SOS2: variants seen among roughly 807,000 people sequenced by gnomAD.
SOS2 encodes the protein son of sevenless homolog 2.
In SOS2, 65 loss-of-function variants were observed where a neutral mutation model predicts 148.2. The observed-to-expected ratio is 0.44, with a 90% CI of 0.36 to 0.54. The LOEUF is 0.54. SOS2 is among the 20% of genes least tolerant of loss of function. The pLI is 0.00. For synonymous variants in SOS2, 539 were observed against 537.1 expected (o/e 1.00, Z -0.05); for missense variants, 1,341 against 1,590.2 (o/e 0.84, Z 2.67).
intron 22 of SOS2, among the ~76,000 whole-genome samples, chr14:50,119,297 G>A (rs1883417860): frequency 6.6e-6 from 1 of 152,168 alleles, no homozygotes. Flanking sequence ...AGCATCAGTA[G>A]GGAACTTGTT....
chr14:50,230,576 C>T (rs1196653706), intron 1 of SOS2, among the ~76,000 whole-genome samples: 2 of 152,140 alleles, frequency 1.3e-5, no homozygotes, highest in Non-Finnish European at 2.9e-5. Context: ...GCAATTTGGT[C>T]GTGAAGACAC....
At chr14:50,161,643 AT>A (rs1321784072) in intron 8 of SOS2, 34 bp from the exon 9 acceptor site, 5 of 1,597,008 alleles carry the variant, frequency 3.1e-6, no homozygotes, top group Non-Finnish European at 3.4e-6. Flanking sequence ...TCAAAACTGC[AT>A]TGTTTGATTC....
chr14:50,157,697 T>G (rs1434215511), intron 11 of SOS2, among the ~76,000 whole-genome samples: 1 of 152,172 alleles, frequency 6.6e-6, no homozygotes, highest in Non-Finnish European at 1.5e-5. Flanking sequence ...GTAAATTTAG[T>G]TTGATAAAAC....
intron 1 of SOS2, among the ~76,000 whole-genome samples, chr14:50,218,406 CCAG>C (rs1262254907): frequency 6.6e-6 from 1 of 151,626 alleles, no homozygotes; most frequent in Non-Finnish European, 1.5e-5. Flanking sequence ...GCCTGCAATC[CCAG>C]CTACTTGGGA....
intron 21 of SOS2, 71 bp from the exon 22 acceptor site, chr14:50,120,455 G>C (rs1413947029): frequency 2.7e-6 from 2 of 739,870 alleles, no homozygotes; most frequent in East Asian, 5.3e-5. Context: ...ATTTGTGATC[G>C]ATACTTCTAC....
chr14:50,188,706 A>C lies in SOS2; in HGVS notation c.511-6T>G. On this transcript the variant is annotated splice_polypyrimidine_tract_variant and splice_region_variant and intron_variant, in intron 4 of 22. Transcript: ENST00000216373. ...TCAAACATGTCCATCAAAACCTGAG[A>C]AACAGAAATCAATAATGTATAAATT... The C allele has an allele frequency of 1.3e-6, 2 of 1,570,348 alleles. No individual in the cohort carries two copies. The highest frequency in any genetic ancestry group is 1.7e-6 in the Non-Finnish European group (2 of 1,156,536).
chr14:50,227,243 C>CTTTTTTT lies in SOS2; in HGVS notation c.87+3953_87+3954insAAAAAAA, dbSNP rs374477701. Among the ~76,000 whole-genome samples, 395 of 112,606 alleles carry CTTTTTTT rather than the reference C, an allele frequency of 3.5e-3. 8 individuals carry two copies. Among genetic ancestry groups the CTTTTTTT allele is most frequent in the East Asian group, 0.013 (48 of 3,726 alleles). 73.9% of individuals were successfully genotyped at this position (112,606 alleles called of 152,430 possible). A position where few individuals can be genotyped will look rare whatever the true frequency, so the allele number is the denominator to read the frequency against. ...TCTCTGTGTTTCTTTTTCTTTCTTT[C>CTTTTTTT]TTTCTTTTTTTTTTTTTTTGAGACA... On this transcript the variant is annotated intron_variant, in intron 1 of 22. Coordinates refer to ENST00000216373, the MANE Select transcript of SOS2 (RefSeq NM_006939.4).
At chr14:50,221,257 T>C (rs1267077454) in intron 1 of SOS2, among the ~76,000 whole-genome samples, 1 of 152,274 alleles carries the variant, frequency 6.6e-6, no homozygotes, top group East Asian at 1.9e-4. Flanking sequence ...TTTTTTCCCC[T>C]GTGAACTGGG....
chr14:50,145,607 G>T lies in SOS2; in HGVS notation c.2385-11C>A. On this transcript the variant is annotated splice_polypyrimidine_tract_variant and intron_variant, in intron 14 of 22. Transcript: ENST00000216373. Reference sequence around the variant, plus strand: ...GACGGTTGAACTTTCCTATGGAATTGAAAATCAGTGCAACTTAACCTATAA... The same window carrying T: ...GACGGTTGAACTTTCCTATGGAATTTAAAATCAGTGCAACTTAACCTATAA... The T allele has an allele frequency of 1.3e-6, 2 of 1,544,540 alleles. No individual in the cohort carries two copies. Among genetic ancestry groups the T allele is most frequent in the Non-Finnish European group, 1.8e-6 (2 of 1,136,006 alleles).
chr14:50,192,017 T>C (rs1396085405), intron 4 of SOS2, among the ~76,000 whole-genome samples: 1 of 150,696 alleles, frequency 6.6e-6, no homozygotes, highest in Admixed American at 6.6e-5. Context: ...CCAGGCATGG[T>C]GGTTCAAGCC....
chr14:50,188,351 C>A, intron 5 of SOS2, 146 bp downstream of exon 5: 1 of 577,072 alleles, frequency 1.7e-6, no homozygotes, highest in South Asian at 1.9e-5. Flanking sequence ...TGCAGTGGTG[C>A]GAGCTGAGAT....
At chr14:50,161,153 C>A (rs1275589594) in intron 9 of SOS2, among the ~76,000 whole-genome samples, 1 of 151,780 alleles carries the variant, frequency 6.6e-6, no homozygotes, top group Non-Finnish European at 1.5e-5. Context: ...ATTAGCTGGG[C>A]ATGGTGGTGG....
chr14:50,174,497 A>G lies in SOS2; in HGVS notation c.1025T>C (p.Leu342Pro). ...AVRYVLPRLM[L>P]VPVYHCWHYF... ...GTGCCAACAGTGATACACTGGCACC[A>G]GCATAAGACGTGGAAGGACATAACG... Residue 342 changes from leucine to proline, a missense_variant, in exon 8 of 23, where the codon CTG (leucine) becomes CCG (proline). Leu to Pro is a moderately conservative substitution (Grantham distance 98, BLOSUM62 -3). Around this residue, in one of 4 missense-constraint regions of SOS2, gnomAD observed 574 missense variants for 711.1 expected, o/e 0.81. Transcript: ENST00000216373. 6.2e-7 allele frequency: 1 copy of G among 1,611,002 alleles called. No homozygotes were observed. Among genetic ancestry groups the G allele is most frequent in the Non-Finnish European group, 8.5e-7 (1 of 1,177,948 alleles).
chr14:50,206,248 TA>T (rs1011831280), intron 1 of SOS2, among the ~76,000 whole-genome samples: 47 of 152,254 alleles, frequency 3.1e-4, no homozygotes, highest in African/African-American at 1.0e-3. Flanking sequence ...ATGTTTTCTC[TA>T]AAACTACTTT....
chr14:50,118,170 T>C lies in SOS2; in HGVS notation c.*174A>G, dbSNP rs946617524. On this transcript the variant is annotated 3_prime_UTR_variant, in exon 23 of 23. Transcript: ENST00000216373. The stretch of plus-strand genomic sequence containing the variant: ...GCTACTGATCACCTGAGGATAATGG[T>C]GAAGGACTTTTGTATTTTTATTTTT... 4.8e-6 allele frequency: 3 copies of C among 622,054 alleles called. No individual in the cohort carries two copies. Among genetic ancestry groups the C allele is most frequent in the African/African-American group, 3.7e-5 (2 of 54,236 alleles). 38.5% of individuals were successfully genotyped at this position (622,054 alleles called of 1,614,324 possible). A position where few individuals can be genotyped will look rare whatever the true frequency, so the allele number is the denominator to read the frequency against.
At chr14:50,120,231 G>C (rs1242005297) in intron 22 of SOS2, 44 bp downstream of exon 22, 1 of 874,012 alleles carries the variant, frequency 1.1e-6, no homozygotes, top group South Asian at 1.4e-5. Flanking sequence ...TTATTTTGAA[G>C]ATTCACAACT....
intron 1 of SOS2, among the ~76,000 whole-genome samples, chr14:50,205,346 C>G (rs911151720): frequency 4.6e-5 from 7 of 152,178 alleles, no homozygotes; most frequent in Non-Finnish European, 7.3e-5. Flanking sequence ...CCACTGCACC[C>G]AGCCTGCTTT....
chr14:50,141,263 T>C (rs1884274473), intron 16 of SOS2, among the ~76,000 whole-genome samples: 1 of 141,876 alleles, frequency 7.0e-6, no homozygotes, highest in South Asian at 2.3e-4. Context: ...CTCACACCTG[T>C]AATCCCAGCA....
chr14:50,218,847 G>C (rs1887114354), intron 1 of SOS2, among the ~76,000 whole-genome samples: 1 of 152,182 alleles, frequency 6.6e-6, no homozygotes, highest in African/African-American at 2.4e-5. Flanking sequence ...AGGCGTGGTG[G>C]CTCATGGCTA....
Sources: gnomAD v4.1 joint callset for allele counts (sites outside exome capture counted in the v4.1 genomes callset) on GRCh38, gnomAD v4.1.1 for gene constraint, gnomAD v4.1.1 regional missense constraint, MANE v1.5 for transcripts, NCBI Gene and HGNC (gene_info 2026-07-23, HGNC 2026-07-21) for gene names.